The following TAFA4 variants were observed in gnomAD, a reference collection of about 807,000 sequenced individuals.
TAFA4 encodes the protein chemokine-like protein TAFA-4.
In TAFA4, 20 loss-of-function variants were observed where a neutral mutation model predicts 21.1. That is an observed-to-expected ratio of 0.95 (90% CI 0.67 to 1.38). The LOEUF is 1.38. Among genes scored for constraint, TAFA4 ranks in the 40% most tolerant of loss-of-function variants. The pLI is 0.00. For synonymous variants in TAFA4, 71 were observed against 67.4 expected (o/e 1.05, Z -0.26); for missense variants, 211 against 180.9 (o/e 1.17, Z -0.95).
chr3:68,811,850 G>A (rs1275132435), intron 3 of TAFA4, among the ~76,000 whole-genome samples: 1 of 152,078 alleles, frequency 6.6e-6, no homozygotes, highest in African/African-American at 2.4e-5. Context: ...CTTGAGAAGA[G>A]CAACTCCAAG....
At chr3:68,771,617 C>T (rs189023439) in intron 3 of TAFA4, among the ~76,000 whole-genome samples, 31 of 152,270 alleles carry the variant, frequency 2.0e-4, no homozygotes, top group Admixed American at 1.7e-3. Context: ...ATCAAAAGTA[C>T]CACCCCTCCA....
chr3:68,828,285 T>C (rs957057860), intron 3 of TAFA4, among the ~76,000 whole-genome samples: 3 of 152,234 alleles, frequency 2.0e-5, no homozygotes, highest in African/African-American at 7.2e-5. Flanking sequence ...TGTAGCCTTG[T>C]AGTATAGTTT....
intron 3 of TAFA4, among the ~76,000 whole-genome samples, chr3:68,770,447 G>C (rs1702931975): frequency 6.6e-6 from 1 of 152,182 alleles, no homozygotes; most frequent in South Asian, 2.1e-4. Flanking sequence ...GAAAATTTCT[G>C]AAATAAGCAA....
intron 1 of TAFA4, among the ~76,000 whole-genome samples, chr3:68,895,602 A>C (rs2089780876): frequency 6.6e-6 from 1 of 152,230 alleles, no homozygotes; most frequent in Non-Finnish European, 1.5e-5. Context: ...AGGGGGAATT[A>C]GCTATGCACA....
Position 68,932,019 on chromosome 3 carries a change from T to G in TAFA4, c.-123+221A>C, listed in dbSNP as rs1021655711. 3.9e-5 allele frequency among the ~76,000 whole-genome samples: 6 copies of G among 152,084 alleles called. No homozygotes were observed. The South Asian group carries it at 1.2e-3, about 32-fold the overall frequency. On this transcript the variant is annotated intron_variant, in intron 1 of 5. Transcript: ENST00000295569. ...CCTCTCTCCAGCCACACATCCTTAC[T>G]TCGGAGTGCCCCTTCCAACTTCGGG...
chr3:68,735,569 T>G (rs1002186076), intron 5 of TAFA4, among the ~76,000 whole-genome samples: 1 of 152,108 alleles, frequency 6.6e-6, no homozygotes, highest in African/African-American at 2.4e-5. Context: ...TTTTTACACG[T>G]TCCCATGATA....
At chr3:68,913,136 C>A (rs1394403240) in intron 1 of TAFA4, among the ~76,000 whole-genome samples, 2 of 152,184 alleles carry the variant, frequency 1.3e-5, no homozygotes, top group Admixed American at 6.5e-5. Context: ...TGAATAACCA[C>A]CAAAATAAAT....
intron 1 of TAFA4, among the ~76,000 whole-genome samples, chr3:68,908,968 C>T (rs2089929700): frequency 6.6e-6 from 1 of 152,210 alleles, no homozygotes; most frequent in Admixed American, 6.5e-5. Context: ...CATTCTCTAT[C>T]TCCAATGCAG....
intron 3 of TAFA4, among the ~76,000 whole-genome samples, chr3:68,859,038 C>T (rs1316035755): frequency 2.7e-5 from 4 of 150,304 alleles, no homozygotes; most frequent in African/African-American, 7.4e-5. Context: ...CAGAGGACTG[C>T]TACAAAAAAA....
chr3:68,863,220 T>C (rs1187279276), intron 3 of TAFA4, among the ~76,000 whole-genome samples: 1 of 151,964 alleles, frequency 6.6e-6, no homozygotes, highest in Admixed American at 6.6e-5. Flanking sequence ...TCCAGCCTCC[T>C]AGGTGACAGA....
intron 3 of TAFA4, among the ~76,000 whole-genome samples, chr3:68,784,390 T>C (rs1187056961): frequency 2.0e-5 from 3 of 151,970 alleles, no homozygotes; most frequent in Non-Finnish European, 4.4e-5. Context: ...TTCCTTCTGA[T>C]GTTTGGATGT....
Position 68,751,504 on chromosome 3 carries a change from AC to A in TAFA4, c.286+1358del, listed in dbSNP as rs1342718439. On this transcript the variant is annotated intron_variant, in intron 4 of 5. Transcript: ENST00000295569. ...GATTCAATTAATAGAGATGATAAAT[AC>A]ATTAGACTTCCCCAGCTGGAGATAT... 4.6e-5 allele frequency among the ~76,000 whole-genome samples: 7 copies of A among 152,338 alleles called. No homozygotes were observed. In the East Asian group the frequency reaches 9.6e-4, roughly 21 times the overall value.
At chr3:68,910,188 G>T (rs1408040746) in intron 1 of TAFA4, among the ~76,000 whole-genome samples, 4 of 152,176 alleles carry the variant, frequency 2.6e-5, no homozygotes, top group Non-Finnish European at 5.9e-5. Flanking sequence ...TATCACCTTT[G>T]CTGTATTCTA....
intron 3 of TAFA4, among the ~76,000 whole-genome samples, chr3:68,809,174 T>C (rs891147821): frequency 6.6e-6 from 1 of 152,214 alleles, no homozygotes; most frequent in Non-Finnish European, 1.5e-5. Context: ...AGTGCAAGTT[T>C]CATGGTTAGC....
At chr3:68,892,574 T>C (rs1453933830) in intron 1 of TAFA4, among the ~76,000 whole-genome samples, 1 of 152,160 alleles carries the variant, frequency 6.6e-6, no homozygotes. Flanking sequence ...CCCATAAATA[T>C]GTACAAAGAA....
intron 4 of TAFA4, among the ~76,000 whole-genome samples, chr3:68,751,405 G>A (rs1013260008): frequency 5.9e-5 from 9 of 152,278 alleles, no homozygotes; most frequent in East Asian, 3.9e-4. Flanking sequence ...GACTGTGGAC[G>A]TAGCAGTGGG....
chr3:68,788,585 G>C (rs560926219), intron 3 of TAFA4, among the ~76,000 whole-genome samples: 1 of 152,122 alleles, frequency 6.6e-6, no homozygotes, highest in East Asian at 1.9e-4. Context: ...TTTCCTCTAG[G>C]AGTTTTATAG....
At chr3:68,737,336 G>C (rs1005877298) in intron 5 of TAFA4, among the ~76,000 whole-genome samples, 7 of 152,076 alleles carry the variant, frequency 4.6e-5, no homozygotes. Flanking sequence ...AGTCTATATA[G>C]CATGGAAATT....
chr3:68,846,426 T>G (rs1424921257), intron 3 of TAFA4, among the ~76,000 whole-genome samples: 8 of 152,088 alleles, frequency 5.3e-5, no homozygotes, highest in African/African-American at 1.9e-4. Flanking sequence ...TAACCTTTTT[T>G]CAAGGTTCTT....
Sources: gnomAD v4.1 joint callset for allele counts (sites outside exome capture counted in the v4.1 genomes callset) on GRCh38, gnomAD v4.1.1 for gene constraint, MANE v1.5 for transcripts, NCBI Gene and HGNC (gene_info 2026-07-23, HGNC 2026-07-21) for gene names.